Variants in MCC observed in about 807,000 individuals in gnomAD.
The protein encoded by MCC is MCC regulator of Wnt signaling pathway.
Under a neutral mutation model 116.2 loss-of-function variants are expected in MCC, and 90 were observed. The observed-to-expected ratio is 0.77, with a 90% confidence interval of 0.65 to 0.92. The LOEUF is 0.92. Ranked by LOEUF, MCC falls within the 40% of genes least tolerant of loss-of-function variation. The pLI is 0.00. For synonymous variants in MCC, 578 were observed against 510.5 expected, an observed-to-expected ratio of 1.13 and a Z score of -1.78; for missense variants, 1,516 against 1,312.2, an observed-to-expected ratio of 1.16 and a Z score of -2.40.
At chr5:113,423,489 G>C (rs1432513287) in intron 1 of MCC, among the ~76,000 whole-genome samples, 1 of 152,200 alleles carries the variant, frequency 6.6e-6, no homozygotes, top group Non-Finnish European at 1.5e-5. Context: ...AGTGTTTGCT[G>C]CAACTTTCTA....
At chr5:113,416,656 A>G (rs1770158993) in intron 1 of MCC, among the ~76,000 whole-genome samples, 1 of 152,204 alleles carries the variant, frequency 6.6e-6, no homozygotes, top group African/African-American at 2.4e-5. Flanking sequence ...AGGTAATGGT[A>G]GATGCCCTTG....
chr5:113,454,798 T>C (rs1263384651), intron 1 of MCC, among the ~76,000 whole-genome samples: 1 of 152,148 alleles, frequency 6.6e-6, no homozygotes, highest in Admixed American at 6.5e-5. Flanking sequence ...TTTAAAAATA[T>C]TTTGCCTATT....
chr5:113,233,831 G>C (rs997478863), intron 3 of MCC, among the ~76,000 whole-genome samples: 30 of 152,278 alleles, frequency 2.0e-4, no homozygotes, highest in Middle Eastern at 3.4e-3. Flanking sequence ...AATTTTGTCA[G>C]TCTAACAGAT....
At position 113,089,452 on chromosome 5, in the gene MCC, G is replaced by T. The variant is rs188958519; in HGVS notation, c.1399-4142C>A. On this transcript the variant is annotated intron_variant, in intron 8 of 18. Transcript: ENST00000408903. Reference sequence around the variant, plus strand: ...AGAGGAGAAAATGGACTGAAGTAAGGAAGAAAAAGTTGGTGAGCCAAGAGC... The same window carrying T: ...AGAGGAGAAAATGGACTGAAGTAAGTAAGAAAAAGTTGGTGAGCCAAGAGC... Among the ~76,000 whole-genome samples, 37 of 152,370 alleles carry T rather than the reference G, an allele frequency of 2.4e-4. No homozygotes were observed. In the South Asian group the frequency reaches 3.7e-3, roughly 15 times the overall value.
At chr5:113,163,530 C>T (rs1302193256) in intron 3 of MCC, among the ~76,000 whole-genome samples, 6 of 151,974 alleles carry the variant, frequency 3.9e-5, no homozygotes, top group Admixed American at 6.6e-5. Flanking sequence ...TATGACCTGA[C>T]ATCATATCCT....
intron 3 of MCC, among the ~76,000 whole-genome samples, chr5:113,154,526 G>A (rs1443685): frequency 0.54 from 81,532 of 151,960 alleles, 23,956 homozygotes; most frequent in East Asian, 0.68. Flanking sequence ...ATCTCTGTGC[G>A]TTTGAGTTCA....
At chr5:113,126,327 C>G (rs372598192) in intron 5 of MCC, among the ~76,000 whole-genome samples, 1 of 152,150 alleles carries the variant, frequency 6.6e-6, no homozygotes, top group African/African-American at 2.4e-5. Context: ...TTAGCCAGGA[C>G]CACTACCTTT....
intron 3 of MCC, among the ~76,000 whole-genome samples, chr5:113,277,590 G>A (rs1024077635): frequency 1.8e-4 from 28 of 152,112 alleles, no homozygotes; most frequent in African/African-American, 6.8e-4. Context: ...TAAAAACCAT[G>A]ACTTAAAAAG....
At chr5:113,151,535 C>T in intron 3 of MCC, 113 bp from the exon 4 acceptor site, 1 of 639,748 alleles carries the variant, frequency 1.6e-6, no homozygotes, top group Non-Finnish European at 2.8e-6. Context: ...AAAAGCAACA[C>T]TTTTGAGAAT....
At chr5:113,461,618 T>C (rs887440702) in intron 1 of MCC, among the ~76,000 whole-genome samples, 4 of 151,900 alleles carry the variant, frequency 2.6e-5, no homozygotes, top group Admixed American at 2.6e-4. Context: ...CTACAGTGAG[T>C]TATGATCATG....
intron 2 of MCC, among the ~76,000 whole-genome samples, chr5:113,379,513 C>T (rs1304903855): frequency 1.3e-5 from 2 of 152,170 alleles, no homozygotes; most frequent in Admixed American, 1.3e-4. Context: ...CAATCAGGAA[C>T]TTAGCCTAAG....
chr5:113,036,846 C>T (rs898864458), intron 17 of MCC, among the ~76,000 whole-genome samples: 2 of 152,216 alleles, frequency 1.3e-5, no homozygotes, highest in Admixed American at 1.3e-4. Context: ...GAGTGAGCCT[C>T]AGTCTTCACC....
At chr5:113,320,268 A>T (rs562817092) in intron 3 of MCC, among the ~76,000 whole-genome samples, 1 of 152,214 alleles carries the variant, frequency 6.6e-6, no homozygotes, top group African/African-American at 2.4e-5. Context: ...ACACACACAC[A>T]CACACAATTA....
intron 3 of MCC, among the ~76,000 whole-genome samples, chr5:113,270,338 T>C (rs564608671): frequency 2.0e-5 from 3 of 152,170 alleles, no homozygotes; most frequent in African/African-American, 7.2e-5. Flanking sequence ...TGCAACAGAA[T>C]GTGGGGGAAT....
chr5:113,462,441 A>G (rs1771768314), intron 1 of MCC, among the ~76,000 whole-genome samples: 1 of 152,126 alleles, frequency 6.6e-6, no homozygotes, highest in Non-Finnish European at 1.5e-5. Context: ...ATTTCATTCC[A>G]GTCGAAACAA....
intron 3 of MCC, among the ~76,000 whole-genome samples, chr5:113,289,146 C>T (rs1766380067): frequency 6.6e-6 from 1 of 152,018 alleles, no homozygotes; most frequent in Non-Finnish European, 1.5e-5. Context: ...GCCTGACCAA[C>T]ACGGTGAAAC....
At chr5:113,372,995 C>G (rs1328377176) in intron 2 of MCC, among the ~76,000 whole-genome samples, 1 of 151,892 alleles carries the variant, frequency 6.6e-6, no homozygotes, top group African/African-American at 2.4e-5. Context: ...TGGCTAACAC[C>G]ATGAAACCCC....
chr5:113,027,541 C>A, intron 18 of MCC, 59 bp from the exon 19 acceptor site: 1 of 1,478,356 alleles, frequency 6.8e-7, no homozygotes. Flanking sequence ...ATCGTGACAC[C>A]ATCCTGTCCA....
At chr5:113,386,584 G>A (rs1769259672) in intron 1 of MCC, among the ~76,000 whole-genome samples, 1 of 151,832 alleles carries the variant, frequency 6.6e-6, no homozygotes, top group African/African-American at 2.4e-5. Flanking sequence ...CTAAATAAAT[G>A]TAAAAGACTC....
Sources: gnomAD v4.1 joint callset for allele counts (sites outside exome capture counted in the v4.1 genomes callset) on GRCh38, gnomAD v4.1.1 for gene constraint, MANE v1.5 for transcripts, NCBI Gene and HGNC (gene_info 2026-07-23, HGNC 2026-07-21) for gene names.